FMO1: variants seen among roughly 807,000 people sequenced by gnomAD.
FMO1 encodes the protein flavin containing dimethylaniline monoxygenase 1.
A neutral mutation model predicts 45.4 loss-of-function variants in FMO1; 36 were observed. The observed-to-expected ratio is 0.79, with a 90% confidence interval of 0.61 to 1.05. The LOEUF is 1.05. Ranked by LOEUF, FMO1 falls within the 50% of genes least tolerant of loss-of-function variation. The pLI is 0.00. For missense variants in FMO1, 615 were observed against 640.3 expected (o/e 0.96, Z 0.43); for synonymous variants, 228 against 227.2 (o/e 1.00, Z -0.03).
intron 2 of FMO1, among the ~76,000 whole-genome samples, chr1:171,265,825 G>A (rs887206569): frequency 1.3e-5 from 2 of 152,202 alleles, no homozygotes; most frequent in East Asian, 1.9e-4. Flanking sequence ...AGGGGATAAT[G>A]TGTATCTAAA....
At chr1:171,285,132 C>T (rs933771129) in intron 8 of FMO1, 70 bp from the exon 9 acceptor site, 3 of 1,019,914 alleles carry the variant, frequency 2.9e-6, no homozygotes, top group African/African-American at 3.3e-5. Context: ...TTGCTTTGGG[C>T]ACTTGTACTT....
At chr1:171,253,003 G>T (rs899487792) in intron 1 of FMO1, among the ~76,000 whole-genome samples, 9 of 152,082 alleles carry the variant, frequency 5.9e-5, no homozygotes, top group African/African-American at 2.2e-4. Context: ...GATATTGTGC[G>T]CCTCCACATT....
chr1:171,261,336 C>CACACACACACAA (rs938709931), intron 2 of FMO1, among the ~76,000 whole-genome samples: 1 of 152,026 alleles, frequency 6.6e-6, no homozygotes, highest in Non-Finnish European at 1.5e-5. Context: ...CACACACACA[C>CACACACACACAA]ACACACAAAA....
chr1:171,262,036 T>C (rs973361022), intron 2 of FMO1, among the ~76,000 whole-genome samples: 2 of 152,220 alleles, frequency 1.3e-5, no homozygotes, highest in African/African-American at 4.8e-5. Context: ...GTAGGTTGAC[T>C]ATCGCCATTA....
intron 2 of FMO1, among the ~76,000 whole-genome samples, chr1:171,265,829 A>G (rs1660596492): frequency 6.6e-6 from 1 of 152,236 alleles, no homozygotes. Context: ...GATAATGTGT[A>G]TCTAAACTAT....
intron 4 of FMO1, 78 bp downstream of exon 4, chr1:171,275,586 C>T: frequency 7.8e-6 from 8 of 1,021,178 alleles, no homozygotes; most frequent in South Asian, 6.7e-5. Flanking sequence ...GGAATGAATT[C>T]CTATGGCTGT....
intron 7 of FMO1, chr1:171,282,569 A>C: frequency 2.4e-6 from 1 of 414,956 alleles, no homozygotes; most frequent in Non-Finnish European, 4.3e-6. Flanking sequence ...AAAATATAAC[A>C]GTTGACATAG....
At chr1:171,271,452 G>A (rs1349060155) in intron 3 of FMO1, 1 of 988,460 alleles carries the variant, frequency 1.0e-6, no homozygotes, top group African/African-American at 1.6e-5. Flanking sequence ...CCACCTCTCT[G>A]AGCCTTTCTT....
chr1:171,267,751 T>C lies in FMO1; in HGVS notation c.321+20T>C, dbSNP rs756269271. The C allele has an allele frequency of 5.7e-6, 9 of 1,576,276 alleles. No individual in the cohort carries two copies. Among genetic ancestry groups the C allele is most frequent in the Non-Finnish European group, 7.8e-6 (9 of 1,154,208 alleles). On this transcript the variant is annotated intron_variant, in intron 3 of 8. Coordinates refer to ENST00000617670, the MANE Select transcript of FMO1 (RefSeq NM_001282693.2). The stretch of plus-strand genomic sequence containing the variant: ...TTCAAGGTAAGACACAAAACATCAG[T>C]TAGTAGTCAGAAAGTATTTCCTACC...
At position 171,274,142 on chromosome 1, in the gene FMO1, C is replaced by A. The variant is rs1229866881; in HGVS notation, c.322-1204C>A. 4.4e-5 allele frequency among the ~76,000 whole-genome samples: 6 copies of A among 134,974 alleles called. No homozygotes were observed. The East Asian group carries it at 9.9e-4, about 22-fold the overall frequency. 88.5% of individuals were successfully genotyped at this position (134,974 alleles called of 152,430 possible). On this transcript the variant is annotated intron_variant, in intron 3 of 8. Transcript: ENST00000617670. ...CCAGCCTGGGCAACAGAGCGAGACT[C>A]CATCTCAAAAAAAAAAAAAAAAAAG... is the stretch of plus-strand genomic sequence containing the variant.
intron 3 of FMO1, among the ~76,000 whole-genome samples, chr1:171,274,801 A>G (rs1661036209): frequency 6.6e-6 from 1 of 152,222 alleles, no homozygotes. Context: ...ACTCACTAAG[A>G]GCAAAAAATA....
chr1:171,251,938 A>AT (rs1571321197), intron 1 of FMO1: 2 of 152,156 alleles, frequency 1.3e-5, no homozygotes. Context: ...ATAAGGAGCA[A>AT]TAACATTTTT....
chr1:171,257,077 A>G (rs1441546905), intron 1 of FMO1, among the ~76,000 whole-genome samples: 2 of 152,358 alleles, frequency 1.3e-5, no homozygotes, highest in African/African-American at 2.4e-5. Flanking sequence ...GCCAGGAGCT[A>G]TTCTGAGACG....
chr1:171,251,965 C>T (rs572683291), intron 1 of FMO1, among the ~76,000 whole-genome samples: 76 of 152,234 alleles, frequency 5.0e-4, no homozygotes, highest in African/African-American at 1.7e-3. Context: ...TTTGCATTTG[C>T]ACGTGAAATC....
At chr1:171,277,487 C>T (rs925879652) in intron 4 of FMO1, among the ~76,000 whole-genome samples, 1 of 152,026 alleles carries the variant, frequency 6.6e-6, no homozygotes, top group African/African-American at 2.4e-5. Flanking sequence ...AACACAGCCA[C>T]ATTTACCTAA....
chr1:171,275,971 C>T (rs1333811145), intron 4 of FMO1, among the ~76,000 whole-genome samples: 5 of 152,086 alleles, frequency 3.3e-5, no homozygotes, highest in Admixed American at 6.6e-5. Context: ...TAGAGGTTTA[C>T]GGCACTGGTC....
At chr1:171,262,789 C>T (rs992214019) in intron 2 of FMO1, among the ~76,000 whole-genome samples, 2 of 152,158 alleles carry the variant, frequency 1.3e-5, no homozygotes, top group Non-Finnish European at 2.9e-5. Flanking sequence ...ATGGAGCTTG[C>T]ATTCTTGGAG....
intron 5 of FMO1, among the ~76,000 whole-genome samples, chr1:171,279,503 C>CCAGTTCT (rs375563660): frequency 1.3e-4 from 20 of 152,106 alleles, no homozygotes; most frequent in African/African-American, 4.8e-4. Context: ...TGTGGCAGAG[C>CCAGTTCT]CAGTTCTCAA....
chr1:171,256,661 T>TA (rs1201198352), intron 1 of FMO1, among the ~76,000 whole-genome samples: 3 of 151,874 alleles, frequency 2.0e-5, no homozygotes, highest in Non-Finnish European at 4.4e-5. Context: ...TTTATTTCAT[T>TA]AAAAAAAATT....
Sources: gnomAD v4.1 joint callset for allele counts (sites outside exome capture counted in the v4.1 genomes callset) on GRCh38, gnomAD v4.1.1 for gene constraint, MANE v1.5 for transcripts, NCBI Gene and HGNC (gene_info 2026-07-23, HGNC 2026-07-21) for gene names.